Variants in PCNX2 observed in about 807,000 individuals in gnomAD.
PCNX2 encodes the protein pecanex-like protein 2.
In PCNX2, 168 loss-of-function variants were observed where a neutral mutation model predicts 223.8. The ratio of observed to expected loss-of-function variants is 0.75; its 90% CI spans 0.66 to 0.85. The LOEUF is 0.85. Among genes scored for constraint, PCNX2 ranks in the 40% least tolerant of loss-of-function variants. The probability of loss-of-function intolerance (pLI) is 0.00; values close to 1 mark genes in which losing one functional copy is unlikely to be tolerated. For synonymous variants in PCNX2, 1,006 were observed against 1,052.6 expected (o/e 0.96, Z 0.86); for missense variants, 2,507 against 2,675.5 (o/e 0.94, Z 1.39).
chr1:233,276,539 C>T (rs1458897987), intron 1 of PCNX2, among the ~76,000 whole-genome samples: 3 of 152,176 alleles, frequency 2.0e-5, no homozygotes, highest in Non-Finnish European at 2.9e-5. Flanking sequence ...CTTTGGATTA[C>T]GCATGACATT....
intron 15 of PCNX2, among the ~76,000 whole-genome samples, chr1:233,194,259 G>A (rs1316035860): frequency 6.6e-6 from 1 of 152,060 alleles, no homozygotes; most frequent in African/African-American, 2.4e-5. Context: ...GAAAGTACCA[G>A]GGGAAAAAAG....
At chr1:233,148,304 T>C (rs1677581625) in intron 19 of PCNX2, among the ~76,000 whole-genome samples, 2 of 152,104 alleles carry the variant, frequency 1.3e-5, no homozygotes, top group Admixed American at 6.6e-5. Context: ...GGAAACAAGT[T>C]AAAATAAATA....
intron 8 of PCNX2, among the ~76,000 whole-genome samples, chr1:233,247,976 GGAGAAA>G (rs1659224370): frequency 6.6e-6 from 1 of 151,794 alleles, no homozygotes; most frequent in South Asian, 2.1e-4. Flanking sequence ...AAATAATGCT[GGAGAAA>G]GAGCAGATAG....
chr1:233,043,552 C>G (rs1355438757), intron 25 of PCNX2, among the ~76,000 whole-genome samples: 1 of 130,150 alleles, frequency 7.7e-6, no homozygotes, highest in African/African-American at 2.9e-5. Context: ...GCTATCCCTC[C>G]TCCCTCCCCC....
rs371260510 is a variant in PCNX2 at position 233,177,825 on chromosome 1, G to T, written c.3250C>A (p.Pro1084Thr). The change falls in exon 17 of 34, where the codon CCC becomes ACC. Residue 1084 changes from proline to threonine, a missense_variant. This residue lies in a region of PCNX2 where 1,372 missense variants were observed against 1,509.4 expected (regional missense o/e 0.91). Transcript: ENST00000258229. ...NLAESAADPLPKKMKDSVTDV... is the reference protein window; with the variant it reads ...NLAESAADPLTKKMKDSVTDV... ...ACCACTGAATCTTTCATCTTCTTGG[G>T]GAGAGGGTCAGCAGCTGACTCTGCC... The T allele has an allele frequency of 6.2e-7, 1 of 1,613,708 alleles. No homozygotes were observed. Among genetic ancestry groups the T allele is most frequent in the East Asian group, 2.2e-5 (1 of 44,870 alleles).
upstream of PCNX2, among the ~76,000 whole-genome samples, chr1:233,296,381 A>G (rs1483820985): frequency 6.6e-6 from 1 of 152,208 alleles, no homozygotes; most frequent in Non-Finnish European, 1.5e-5. Context: ...TAGGAGCTTC[A>G]GTTAGCCTTA....
chr1:233,225,214 T>G (rs1657637577), intron 10 of PCNX2, among the ~76,000 whole-genome samples: 1 of 152,032 alleles, frequency 6.6e-6, no homozygotes, highest in Admixed American at 6.6e-5. Flanking sequence ...CTAGCCTAAT[T>G]TTATTTATTT....
At chr1:233,294,054 T>A (rs1661928046) in intron 1 of PCNX2, 1 of 932,350 alleles carries the variant, frequency 1.1e-6, no homozygotes, top group Non-Finnish European at 1.3e-6. Context: ...ATAATTTTGG[T>A]TAATTTTTCT....
At chr1:233,127,997 C>T (rs1160681428) in intron 21 of PCNX2, among the ~76,000 whole-genome samples, 1 of 152,200 alleles carries the variant, frequency 6.6e-6, no homozygotes, top group African/African-American at 2.4e-5. Flanking sequence ...GACTTTCTAT[C>T]TGTACTCACA....
At chr1:233,187,197 A>T (rs767905948) in intron 15 of PCNX2, among the ~76,000 whole-genome samples, 7 of 151,442 alleles carry the variant, frequency 4.6e-5, no homozygotes, top group Non-Finnish European at 7.4e-5. Flanking sequence ...AACACATCGA[A>T]GGTAAAAGTA....
chr1:233,280,137 CACTGTAGGACGT>C (rs2103018584), intron 1 of PCNX2, among the ~76,000 whole-genome samples: 1 of 152,222 alleles, frequency 6.6e-6, no homozygotes, highest in Admixed American at 6.5e-5. Context: ...TGTACTACTC[CACTGTAGGACGT>C]ACCTTAATCC....
At chr1:233,155,802 A>G (rs1242028551) in intron 19 of PCNX2, among the ~76,000 whole-genome samples, 1 of 152,214 alleles carries the variant, frequency 6.6e-6, no homozygotes, top group South Asian at 2.1e-4. Context: ...TCAATCAATA[A>G]AGTCATTTGT....
Position 233,294,506 on chromosome 1 carries a change from G to C in PCNX2, c.153+820C>G, listed in dbSNP as rs77624946. Among the ~76,000 whole-genome samples the C allele has an allele frequency of 8.2e-3, 1,241 of 152,164 alleles. 8 individuals are homozygous for C. The highest frequency in any genetic ancestry group is 0.015 in the Non-Finnish European group (988 of 68,006). On this transcript the variant is annotated intron_variant, in intron 1 of 33. Transcript: ENST00000258229. The stretch of plus-strand genomic sequence containing the variant: ...TGCAAACTCATTGACGATTTTTGCT[G>C]TAAAAAAAATGATCAAATAATGTGT...
intron 26 of PCNX2, among the ~76,000 whole-genome samples, chr1:233,017,376 G>A (rs1303222360): frequency 3.5e-5 from 5 of 144,554 alleles, no homozygotes; most frequent in Non-Finnish European, 7.4e-5. Context: ...GGAGTGCAGC[G>A]GTGCGATCTC....
intron 15 of PCNX2, 32 bp from the exon 16 acceptor site, chr1:233,179,207 T>C (rs1360531462): frequency 6.2e-7 from 1 of 1,603,684 alleles, no homozygotes; most frequent in Admixed American, 1.7e-5. Flanking sequence ...GCCAAGTCAC[T>C]CCACAGCTGT....
chr1:233,075,736 CACAA>C (rs1365650410), intron 23 of PCNX2, among the ~76,000 whole-genome samples: 3 of 149,784 alleles, frequency 2.0e-5, no homozygotes, highest in African/African-American at 7.4e-5. Flanking sequence ...CACACACACA[CACAA>C]CAGAAAAGAA....
intron 5 of PCNX2, among the ~76,000 whole-genome samples, chr1:233,257,769 A>G (rs1659812129): frequency 6.6e-6 from 1 of 152,212 alleles, no homozygotes; most frequent in Non-Finnish European, 1.5e-5. Flanking sequence ...GGGAGTAAAT[A>G]GTCTTGCCTT....
At chr1:233,250,332 G>A (rs12057774) in intron 8 of PCNX2, among the ~76,000 whole-genome samples, 9,464 of 152,200 alleles carry the variant, frequency 0.062, 877 homozygotes, top group African/African-American at 0.2. Flanking sequence ...TAGAAAAGAT[G>A]TGTATCTATC....
intron 19 of PCNX2, among the ~76,000 whole-genome samples, chr1:233,146,683 G>C (rs1384783759): frequency 6.6e-6 from 1 of 152,146 alleles, no homozygotes; most frequent in Non-Finnish European, 1.5e-5. Context: ...TAAATGAAGA[G>C]AAATATAAGC....
Sources: gnomAD v4.1 joint callset for allele counts (sites outside exome capture counted in the v4.1 genomes callset) on GRCh38, gnomAD v4.1.1 for gene constraint, gnomAD v4.1.1 regional missense constraint, MANE v1.5 for transcripts, NCBI Gene and HGNC (gene_info 2026-07-23, HGNC 2026-07-21) for gene names.